The following RASGRF2 variants were observed in gnomAD, a reference collection of about 807,000 sequenced individuals.
The protein encoded by RASGRF2 is ras-specific guanine nucleotide-releasing factor 2.
In RASGRF2, 76 loss-of-function variants were observed where a neutral mutation model predicts 151.0. The observed-to-expected ratio is 0.50, with a 90% CI of 0.42 to 0.61. The LOEUF (loss-of-function observed/expected upper bound fraction) is 0.61, where lower values mean the gene tolerates loss of function less well. RASGRF2 is among the 20% of genes least tolerant of loss of function. The pLI is 0.00. For missense variants in RASGRF2, 1,148 were observed against 1,564.6 expected (o/e 0.73, Z 4.49); for synonymous variants, 504 against 566.5 (o/e 0.89, Z 1.57).
At chr5:81,140,595 A>T (rs1188574517) in intron 17 of RASGRF2, among the ~76,000 whole-genome samples, 1 of 152,134 alleles carries the variant, frequency 6.6e-6, no homozygotes, top group Admixed American at 6.6e-5. Flanking sequence ...CTTCCTGGAA[A>T]CATGCCACGC....
At chr5:81,182,626 A>T (rs1038790885) in intron 18 of RASGRF2, among the ~76,000 whole-genome samples, 1 of 152,186 alleles carries the variant, frequency 6.6e-6, no homozygotes, top group East Asian at 1.9e-4. Flanking sequence ...GCTCTTGGTG[A>T]TGGATTGGTA....
intron 1 of RASGRF2, among the ~76,000 whole-genome samples, chr5:80,973,430 C>G (rs888251412): frequency 6.6e-6 from 1 of 152,236 alleles, no homozygotes; most frequent in African/African-American, 2.4e-5. Context: ...CTGGGTATCT[C>G]ATTCCAGTAG....
In RASGRF2 at chr5:81,112,660, C is replaced by T. The variant is rs1753029804; in HGVS notation, c.1889C>T (p.Thr630Ile). The part of the protein sequence containing the change: ...KDDTDICFSK[T>I]LNSCKVPQIR... Reference sequence around the variant, plus strand: ...GACACTGACATTTGCTTCAGTAAAACACTCAACTCCTGCAAAGTGCCCCAG... The same window carrying T: ...GACACTGACATTTGCTTCAGTAAAATACTCAACTCCTGCAAAGTGCCCCAG... Residue 630 changes from threonine to isoleucine, a missense_variant, in exon 14 of 27, where the codon ACA (threonine) becomes ATA (isoleucine). Transcript: ENST00000265080. The T allele has an allele frequency of 6.2e-7, 1 of 1,614,202 alleles. No individual in the cohort carries two copies. Among genetic ancestry groups the T allele is most frequent in the South Asian group, 1.1e-5 (1 of 91,086 alleles).
intron 18 of RASGRF2, among the ~76,000 whole-genome samples, chr5:81,181,000 A>G (rs1754904466): frequency 1.3e-5 from 2 of 152,048 alleles, no homozygotes; most frequent in Admixed American, 6.5e-5. Context: ...CCTCCTGGAC[A>G]CCCACCTGCC....
intron 1 of RASGRF2, among the ~76,000 whole-genome samples, chr5:81,023,523 G>A (rs1244504576): frequency 6.6e-6 from 1 of 152,132 alleles, no homozygotes; most frequent in Non-Finnish European, 1.5e-5. Context: ...TTTGATGAGC[G>A]GCTACAAATA....
intron 1 of RASGRF2, among the ~76,000 whole-genome samples, chr5:80,996,013 A>G (rs1030279102): frequency 6.6e-6 from 1 of 151,942 alleles, no homozygotes; most frequent in East Asian, 1.9e-4. Context: ...GTTTCTTGAC[A>G]GTAACTAGTG....
At chr5:81,216,525 TA>T (rs916706131) in intron 24 of RASGRF2, among the ~76,000 whole-genome samples, 3 of 149,212 alleles carry the variant, frequency 2.0e-5, no homozygotes, top group Admixed American at 1.3e-4. Flanking sequence ...ATAATAATAA[TA>T]ATAGCAATAA....
chr5:81,045,820 TG>T (rs994510188), intron 2 of RASGRF2, among the ~76,000 whole-genome samples: 1 of 152,218 alleles, frequency 6.6e-6, no homozygotes, highest in Non-Finnish European at 1.5e-5. Context: ...GTTGAGTTTT[TG>T]GTTTAAACTT....
chr5:80,999,378 G>A (rs1749004589), intron 1 of RASGRF2, among the ~76,000 whole-genome samples: 1 of 151,998 alleles, frequency 6.6e-6, no homozygotes, highest in Non-Finnish European at 1.5e-5. Context: ...TTGCTCTGTT[G>A]CCCAGGTTGG....
chr5:81,075,078 A>C (rs1448390156), intron 5 of RASGRF2, among the ~76,000 whole-genome samples: 1 of 152,214 alleles, frequency 6.6e-6, no homozygotes, highest in Non-Finnish European at 1.5e-5. Flanking sequence ...TAGGGAGATC[A>C]ATTAGGTGGC....
At position 81,011,881 on chromosome 5, in the gene RASGRF2, TAGAC is replaced by T. The variant is rs1199248669; in HGVS notation, c.289-30994_289-30991del. Among the ~76,000 whole-genome samples the T allele has an allele frequency of 7.9e-5, 12 of 152,208 alleles. No individual in the cohort carries two copies. In the South Asian group the frequency reaches 2.3e-3, roughly 29 times the overall value. On this transcript the variant is annotated intron_variant, in intron 1 of 26. Coordinates refer to ENST00000265080, the MANE Select transcript of RASGRF2 (RefSeq NM_006909.3). Reference sequence around the variant, plus strand: ...TGCAAACATACACATTATATATACATAGACATTATATATATTTCTTTTTCTTTTA... The same window carrying T: ...TGCAAACATACACATTATATATACATATTATATATATTTCTTTTTCTTTTA...
At chr5:81,087,552 A>G (rs1036588105) in intron 9 of RASGRF2, 7 of 581,990 alleles carry the variant, frequency 1.2e-5, no homozygotes, top group Admixed American at 9.0e-5. Context: ...CGATAAATTA[A>G]GCTTTTGAAG....
intron 13 of RASGRF2, 91 bp from the exon 14 acceptor site, chr5:81,112,519 T>C (rs1050374205): frequency 2.6e-6 from 4 of 1,534,012 alleles, no homozygotes; most frequent in African/African-American, 1.4e-5. Context: ...AGCCCACTCC[T>C]GAGTGTGTGA....
At chr5:81,063,052 A>G in intron 2 of RASGRF2, among the ~76,000 whole-genome samples, 1 of 151,492 alleles carries the variant, frequency 6.6e-6, no homozygotes, top group Non-Finnish European at 1.5e-5. Context: ...AAAAAAAACT[A>G]TGACAGCATG....
intron 2 of RASGRF2, among the ~76,000 whole-genome samples, chr5:81,060,943 C>T (rs1488471230): frequency 6.6e-6 from 1 of 151,124 alleles, no homozygotes; most frequent in Non-Finnish European, 1.5e-5. Context: ...TCTCTCTCTT[C>T]CCTTCTCCTC....
Position 80,960,980 on chromosome 5 carries a change from G to A in RASGRF2, c.242G>A (p.Arg81Lys). Reference sequence around the variant, plus strand: ...TGCGAACGAACGCCCGCGCCACCCAGGGCCGGCGCCGGGCAGGGAGGCGTC... The same window carrying A: ...TGCGAACGAACGCCCGCGCCACCCAAGGCCGGCGCCGGGCAGGGAGGCGTC... Reference protein sequence around the residue: ...CSCERTPAPPRAGAGQGGVRD... With the variant: ...CSCERTPAPPKAGAGQGGVRD... Residue 81 changes from arginine to lysine, a missense_variant, in exon 1 of 27, where the codon AGG (arginine) becomes AAG (lysine). By Grantham distance (26) the Arg-to-Lys change is conservative (BLOSUM62 2). Around this residue, in one of 5 missense-constraint regions of RASGRF2, gnomAD observed 221 missense variants for 271.3 expected, o/e 0.81. Transcript: ENST00000265080. This position sits in a 1 kb window ranked among gnomAD's most constrained non-coding sequence, Gnocchi z 5.5. The A allele has an allele frequency of 6.5e-7, 1 of 1,549,826 alleles. No homozygotes were observed. The highest frequency in any genetic ancestry group is 8.8e-7 in the Non-Finnish European group (1 of 1,139,704).
At chr5:81,075,070 G>A (rs1751896970) in intron 5 of RASGRF2, among the ~76,000 whole-genome samples, 1 of 152,222 alleles carries the variant, frequency 6.6e-6, no homozygotes, top group Admixed American at 6.5e-5. Context: ...ATAGTCTGTA[G>A]GGAGATCAAT....
At chr5:81,182,969 A>G (rs1448448388) in intron 18 of RASGRF2, among the ~76,000 whole-genome samples, 1 of 152,222 alleles carries the variant, frequency 6.6e-6, no homozygotes, top group East Asian at 1.9e-4. Flanking sequence ...TTTTCACATC[A>G]TAAAGCGAAG....
intron 17 of RASGRF2, among the ~76,000 whole-genome samples, chr5:81,173,283 C>CA (rs1754700404): frequency 6.6e-6 from 1 of 152,106 alleles, no homozygotes; most frequent in Non-Finnish European, 1.5e-5. Context: ...GAGGCTGAGA[C>CA]AGGAGAATTG....
Sources: allele counts gnomAD v4.1 joint callset (sites outside exome capture counted in the v4.1 genomes callset), GRCh38; gene constraint gnomAD v4.1.1; regional missense constraint gnomAD v4.1.1; non-coding constraint Gnocchi (gnomAD v3.1); transcripts MANE v1.5; gene names NCBI Gene and HGNC (gene_info 2026-07-23, HGNC 2026-07-21).